The following GUSB variants were observed in gnomAD, a reference collection of about 807,000 sequenced individuals.
GUSB encodes the protein glucuronidase beta.
A neutral mutation model predicts 74.6 loss-of-function variants in GUSB; 51 were observed. That is an observed-to-expected ratio of 0.68 (90% CI 0.55 to 0.86). GUSB has a LOEUF of 0.86. Ranked by LOEUF, GUSB falls within the 40% of genes least tolerant of loss-of-function variation. GUSB has a pLI of 0.00. For missense variants in GUSB, 736 were observed against 853.7 expected (o/e 0.86, Z 1.72); for synonymous variants, 360 against 348.3 (o/e 1.03, Z -0.37).
rs1209265947 is a variant in GUSB at position 65,981,788 on chromosome 7, C to T, written c.210+186G>A. ...CCTTTTCTCCTCCTGCCTAATCCGC[C>T]CCGGCCCTCCAGGGTGCTCCTGTTC... On this transcript the variant is annotated intron_variant, in intron 1 of 11. Transcript: ENST00000304895. 11 of 574,778 alleles carry T rather than the reference C, an allele frequency of 1.9e-5. No individual in the cohort carries two copies. In the African/African-American group the frequency reaches 1.9e-4, roughly 10 times the overall value. 35.6% of individuals were successfully genotyped at this position (574,778 alleles called of 1,614,324 possible).
chr7:65,977,174 T>G (rs1791640035), intron 4 of GUSB, among the ~76,000 whole-genome samples: 1 of 152,122 alleles, frequency 6.6e-6, no homozygotes, highest in Non-Finnish European at 1.5e-5. Context: ...CTGTGCATTT[T>G]GCACTTCACT....
intron 1 of GUSB, among the ~76,000 whole-genome samples, chr7:65,981,092 C>T (rs139032620): frequency 2.6e-5 from 4 of 152,282 alleles, no homozygotes; most frequent in African/African-American, 9.6e-5. Flanking sequence ...CCGCTGTGGC[C>T]AGAGTGTGTG....
At chr7:65,968,045 G>A (rs1344888084) in intron 9 of GUSB, 138 bp from the exon 10 acceptor site, 5 of 734,232 alleles carry the variant, frequency 6.8e-6, no homozygotes, top group Non-Finnish European at 1.2e-5. Flanking sequence ...GCAGGAGGAT[G>A]GCTTAAGACC....
At position 65,982,002 on chromosome 7, in the gene GUSB, T is replaced by C; in HGVS notation, c.182A>G (p.Glu61Gly). Residue 61 changes from glutamate (E) to glycine (G), a missense_variant, in exon 1 of 12, where the codon GAG (glutamate) becomes GGG (glycine). By Grantham distance (98) the Glu-to-Gly change is moderately conservative. This residue lies in a region of GUSB where 368 missense variants were observed against 363.8 expected (regional missense o/e 1.01). Transcript: ENST00000304895. ...FSDNRRRGFEEQWYRRPLWES... is the reference protein window; with the variant it reads ...FSDNRRRGFEGQWYRRPLWES... ...CCACAGCGGCCGCCGGTACCACTGCTCCTCGAAGCCCCGGCGTCGGTTGTC... is the reference window on the plus strand; with the variant it reads ...CCACAGCGGCCGCCGGTACCACTGCCCCTCGAAGCCCCGGCGTCGGTTGTC... 1.9e-6 allele frequency: 3 copies of C among 1,609,238 alleles called. No individual in the cohort carries two copies. Among genetic ancestry groups the C allele is most frequent in the Non-Finnish European group, 2.5e-6 (3 of 1,179,268 alleles).
At chr7:65,963,928 C>T (rs1790663954) in intron 11 of GUSB, among the ~76,000 whole-genome samples, 1 of 152,198 alleles carries the variant, frequency 6.6e-6, no homozygotes, top group Admixed American at 6.5e-5. Flanking sequence ...AAGTAATATA[C>T]AACAGACTGA....
Position 65,976,011 on chromosome 7 carries a change from T to A in GUSB, c.912+4A>T, listed in dbSNP as rs1281750062. The A allele has an allele frequency of 3.1e-6, 5 of 1,612,892 alleles. No homozygotes were observed. The highest frequency in any genetic ancestry group is 1.7e-5 in the Admixed American group (1 of 59,968). ...CCCTTAGGCATGTCCCAAACCACCATTACCTCCAATGAATACAGATAGGCA... is the reference window on the plus strand; with the variant it reads ...CCCTTAGGCATGTCCCAAACCACCAATACCTCCAATGAATACAGATAGGCA... On this transcript the variant is annotated splice_donor_region_variant and intron_variant, in intron 5 of 11. Transcript: ENST00000304895.
intron 10 of GUSB, among the ~76,000 whole-genome samples, chr7:65,967,239 G>C (rs1790894147): frequency 6.6e-6 from 1 of 152,084 alleles, no homozygotes; most frequent in Non-Finnish European, 1.5e-5. Flanking sequence ...CAGATCACTT[G>C]AGGCCAGGAG....
chr7:65,973,661 G>A (rs981098106), intron 8 of GUSB, among the ~76,000 whole-genome samples: 10 of 152,146 alleles, frequency 6.6e-5, no homozygotes, highest in Non-Finnish European at 1.5e-5. Flanking sequence ...GGAGGCTGAG[G>A]CTGGAGAATC....
rs1163866466 is a variant in GUSB, at chr7:65,960,895, G to C, written c.*2C>G. On this transcript the variant is annotated 3_prime_UTR_variant, in exon 12 of 12. Coordinates refer to ENST00000304895, the MANE Select transcript of GUSB (RefSeq NM_000181.4). Reference sequence around the variant, plus strand: ...GGGACACGCAGGTGGTATCAGTCTTGCTCAAGTAAACAGGCTGTTTTCCAA... The same window carrying C: ...GGGACACGCAGGTGGTATCAGTCTTCCTCAAGTAAACAGGCTGTTTTCCAA... The C allele has an allele frequency of 6.2e-7, 1 of 1,613,160 alleles. No homozygotes were observed. The highest frequency in any genetic ancestry group is 8.5e-7 in the Non-Finnish European group (1 of 1,179,322).
rs1268269461 is a variant in GUSB, at chr7:65,980,284, G to A, written c.336C>T (p.Thr112=). The A allele has an allele frequency of 2.5e-6, 4 of 1,613,216 alleles. No individual in the cohort carries two copies. The South Asian group carries it at 4.4e-5, about 18-fold the overall frequency. The stretch of plus-strand genomic sequence containing the variant: ...GCACCACTCTTGTGCGCAGGTCCTG[G>A]GTCCATCGCTCCGGCAGGATCACCT... ...EREVILPERW[T]QDLRTRVVLR... Residue 112 remains threonine (T), a synonymous_variant, in exon 2 of 12, where the codon ACC becomes ACT. Transcript: ENST00000304895.
chr7:65,966,512 G>A (rs1236840984), intron 10 of GUSB, among the ~76,000 whole-genome samples: 1 of 152,138 alleles, frequency 6.6e-6, no homozygotes, highest in African/African-American at 2.4e-5. Flanking sequence ...ATGACGACAG[G>A]CTGGGCATGG....
At chr7:65,967,580 T>A (rs1880555) in intron 10 of GUSB, 151 bp downstream of exon 10, 1 of 719,412 alleles carries the variant, frequency 1.4e-6, no homozygotes, top group Non-Finnish European at 2.5e-6. Context: ...GGCCTGGCTG[T>A]TGGCGGTGAG....
chr7:65,972,443 C>T (rs1446256942), intron 8 of GUSB, among the ~76,000 whole-genome samples: 2 of 152,196 alleles, frequency 1.3e-5, no homozygotes, highest in African/African-American at 2.4e-5. Flanking sequence ...GGATTACAGG[C>T]GTGAGCCACC....
chr7:65,970,177 C>A, intron 9 of GUSB, 105 bp downstream of exon 9: 1 of 774,524 alleles, frequency 1.3e-6, no homozygotes, highest in Admixed American at 1.7e-5. Flanking sequence ...TGAAATAAAA[C>A]CCAGACTGGC....
In GUSB at chr7:65,974,550, C is replaced by A; in HGVS notation, c.1220G>T (p.Cys407Phe). Residue 407 changes from cysteine to phenylalanine, a missense_variant, in exon 7 of 12, where the codon TGT (cysteine) becomes TTT (phenylalanine). Cys to Phe is a radical substitution (Grantham distance 205, BLOSUM62 -2). Transcript: ENST00000304895. ...DRYGIVVIDE[C>F]PGVGLALPQF... Reference sequence around the variant, plus strand: ...CGGCAGCGCCAGGCCCACGCCGGGACACTCATCGATGACCACAATCCCATA... The same window carrying A: ...CGGCAGCGCCAGGCCCACGCCGGGAAACTCATCGATGACCACAATCCCATA... 6 of 1,614,222 alleles carry A rather than the reference C, an allele frequency of 3.7e-6. No homozygotes were observed. The highest frequency in any genetic ancestry group is 5.1e-6 in the Non-Finnish European group (6 of 1,180,044).
intron 8 of GUSB, among the ~76,000 whole-genome samples, chr7:65,971,125 C>A (rs1423165516): frequency 1.3e-5 from 2 of 152,124 alleles, no homozygotes; most frequent in African/African-American, 2.4e-5. Flanking sequence ...ATGAGGTTGA[C>A]GCCCTGAAAC....
At chr7:65,964,115 G>GT in intron 11 of GUSB, 1 of 608,928 alleles carries the variant, frequency 1.6e-6, no homozygotes, top group Non-Finnish European at 3.0e-6. Flanking sequence ...CTTTTTGACC[G>GT]TATTTGGGAG....
intron 4 of GUSB, among the ~76,000 whole-genome samples, chr7:65,976,847 T>C (rs947570353): frequency 4.0e-5 from 6 of 151,450 alleles, no homozygotes; most frequent in African/African-American, 9.7e-5. Context: ...GAGGCTGAAG[T>C]GGGAGGATTG....
Position 65,979,776 on chromosome 7 carries a change from G to T in GUSB, c.532C>A (p.Pro178Thr), listed in dbSNP as rs11559281. 127 of 1,613,702 alleles carry T rather than the reference G, an allele frequency of 7.9e-5. No individual in the cohort carries two copies. The highest frequency in any genetic ancestry group is 9.4e-5 in the Non-Finnish European group (111 of 1,180,018). The change falls in exon 3 of 12, where the codon CCC becomes ACC. Residue 178 changes from proline to threonine, a missense_variant. Physicochemically the swap from Pro to Thr is conservative, Grantham distance 38. Transcript: ENST00000304895. Reference sequence around the variant, plus strand: ...ATGGTCCCTGGTGGCAGGGTGGTGGGGGTGAGTGTGTTGTTGATGGCGATA... The same window carrying T: ...ATGGTCCCTGGTGGCAGGGTGGTGGTGGTGAGTGTGTTGTTGATGGCGATA... ...ITIAINNTLT[P>T]TTLPPGTIQY...
Sources: allele counts gnomAD v4.1 joint callset (sites outside exome capture counted in the v4.1 genomes callset), GRCh38; gene constraint gnomAD v4.1.1; regional missense constraint gnomAD v4.1.1; transcripts MANE v1.5; gene names NCBI Gene and HGNC (gene_info 2026-07-23, HGNC 2026-07-21).